The following SAMD5 variants were observed in gnomAD, a reference collection of about 807,000 sequenced individuals.
SAMD5 encodes sterile alpha motif domain containing 5.
Under a neutral mutation model 11.3 loss-of-function variants are expected in SAMD5, and 13 were observed. That is an observed-to-expected ratio of 1.15 (90% CI 0.75 to 1.83). SAMD5 has a LOEUF of 1.83. Among genes scored for constraint, SAMD5 ranks in the 40% most tolerant of loss-of-function variants. SAMD5 has a pLI of 0.00. For missense variants in SAMD5, 255 were observed against 239.1 expected (o/e 1.07, Z -0.44); for synonymous variants, 129 against 111.3 (o/e 1.16, Z -1.00).
intron 1 of SAMD5, among the ~76,000 whole-genome samples, chr6:147,520,117 G>GT (rs10632543): frequency 0.11 from 14,821 of 136,724 alleles, 1,012 homozygotes; most frequent in African/African-American, 0.19. Context: ...GAACTTTATA[G>GT]TTTTTTTTTT....
At chr6:147,545,873 T>C (rs987378972) in intron 1 of SAMD5, among the ~76,000 whole-genome samples, 2 of 152,210 alleles carry the variant, frequency 1.3e-5, no homozygotes, top group African/African-American at 4.8e-5. Flanking sequence ...CTTGTAACAT[T>C]AATTAAATTT....
At chr6:147,707,887 T>A (rs79647011) in intron 1 of SAMD5, among the ~76,000 whole-genome samples, 2,125 of 152,164 alleles carry the variant, frequency 0.014, 55 homozygotes, top group African/African-American at 0.049. Context: ...AGATATGATA[T>A]GGGGTGGGGT....
chr6:147,870,305 C>A, the SAMD5 span, among the ~76,000 whole-genome samples: 10 of 152,076 alleles, frequency 6.6e-5, no homozygotes, highest in Admixed American at 2.6e-4. Flanking sequence ...TCCCACCTGT[C>A]AAGCATGAGC....
chr6:147,534,237 T>C (rs1464725947), intron 1 of SAMD5, among the ~76,000 whole-genome samples: 1 of 152,170 alleles, frequency 6.6e-6, no homozygotes, highest in Non-Finnish European at 1.5e-5. Flanking sequence ...TTCTGCTGGG[T>C]GAAGTGAGAG....
chr6:147,789,273 A>G, the SAMD5 span, among the ~76,000 whole-genome samples: 1 of 118,282 alleles, frequency 8.5e-6, no homozygotes, highest in Admixed American at 9.1e-5. Context: ...CCCAGTCTCT[A>G]GAAAAACACA....
Position 147,567,815 on chromosome 6 carries a change from T to G in SAMD5, c.*3359T>G, listed in dbSNP as rs1789067182. The G allele has an allele frequency of 2.0e-6, 2 of 985,150 alleles. No individual in the cohort carries two copies. Among genetic ancestry groups the G allele is most frequent in the Non-Finnish European group, 2.4e-6 (2 of 829,802 alleles). The allele number at this position is 985,150 out of a possible 1,614,324, so 61.0% of individuals were successfully genotyped here. A position where few individuals can be genotyped will look rare whatever the true frequency, so the allele number is the denominator to read the frequency against. Reference sequence around the variant, plus strand: ...TCAGGAAGGATAAAAAAGGCTACAGTACCTGCTCATAGGAGTTCAGTAAAT... The same window carrying G: ...TCAGGAAGGATAAAAAAGGCTACAGGACCTGCTCATAGGAGTTCAGTAAAT... On this transcript the variant is annotated 3_prime_UTR_variant, in exon 2 of 2. Coordinates refer to ENST00000367474, the MANE Select transcript of SAMD5 (RefSeq NM_001030060.3).
chr6:147,710,183 G>T (rs1437553861), intron 1 of SAMD5, among the ~76,000 whole-genome samples: 1 of 152,052 alleles, frequency 6.6e-6, no homozygotes, highest in Non-Finnish European at 1.5e-5. Context: ...GCCACCTACT[G>T]CTCTCCATCA....
At chr6:147,624,592 C>T (rs550845126) in intron 1 of SAMD5, among the ~76,000 whole-genome samples, 12 of 152,274 alleles carry the variant, frequency 7.9e-5, no homozygotes, top group Admixed American at 4.6e-4. Flanking sequence ...GAGTAGTATT[C>T]CATCATATGT....
Position 147,728,851 on chromosome 6 carries a change from ACT to A in SAMD5, c.163-8463_163-8462del, listed in dbSNP as rs377519276. On this transcript the variant is annotated intron_variant, in intron 1 of 1. Coordinates refer to the SAMD5 transcript ENST00000566741. The stretch of plus-strand genomic sequence containing the variant: ...TTACAAAGTATTAGCTTTATAATAA[ACT>A]CTTTATGCAGTTCTGTGTGGCTTCT... 1.1e-3 allele frequency among the ~76,000 whole-genome samples: 162 copies of A among 151,904 alleles called. 3 individuals carry two copies. The highest frequency in any genetic ancestry group is 3.7e-3 in the African/African-American group (151 of 41,340).
the SAMD5 span, among the ~76,000 whole-genome samples, chr6:147,811,128 AG>A: frequency 6.6e-6 from 1 of 152,244 alleles, no homozygotes; most frequent in Non-Finnish European, 1.5e-5. Context: ...TTCGGCATAT[AG>A]TAAGTACTTA....
the SAMD5 span, among the ~76,000 whole-genome samples, chr6:147,833,861 C>G: frequency 2.0e-5 from 3 of 152,138 alleles, no homozygotes; most frequent in Non-Finnish European, 2.9e-5. Flanking sequence ...GTTTTTGTGA[C>G]CTTTCCAGTC....
At chr6:147,634,838 A>T (rs1383178381) in intron 1 of SAMD5, among the ~76,000 whole-genome samples, 3 of 152,186 alleles carry the variant, frequency 2.0e-5, no homozygotes, top group Non-Finnish European at 4.4e-5. Context: ...TTTAGGGAAG[A>T]GAGGAATGGG....
chr6:147,834,208 A>C, the SAMD5 span, among the ~76,000 whole-genome samples: 1 of 152,326 alleles, frequency 6.6e-6, no homozygotes, highest in East Asian at 1.9e-4. Flanking sequence ...GAGATGAATA[A>C]ATAGGGGTTT....
rs1372251227 is a variant in SAMD5 at position 147,508,984 on chromosome 6, C to G, written c.56C>G (p.Ala19Gly). The change falls in exon 1 of 2, where the codon GCG becomes GGG. Residue 19 changes from alanine (A) to glycine (G), a missense_variant. Transcript: ENST00000367474. ...AAAGCGCTGCAGCTTCCGCAGTACG[C>G]GGAGTCCTTCGTGGATAACGGCTAC... ...WLKALQLPQYAESFVDNGYDD... is the reference protein window; with the variant it reads ...WLKALQLPQYGESFVDNGYDD... The G allele has an allele frequency of 6.2e-7, 1 of 1,601,494 alleles. No individual in the cohort carries two copies. Among genetic ancestry groups the G allele is most frequent in the African/African-American group, 1.3e-5 (1 of 74,140 alleles).
the SAMD5 span, among the ~76,000 whole-genome samples, chr6:147,865,896 G>T: frequency 6.6e-6 from 1 of 152,086 alleles, no homozygotes; most frequent in African/African-American, 2.4e-5. Flanking sequence ...TATTTAGGAA[G>T]AAAATATATT....
At chr6:147,763,376 C>G in the SAMD5 span, among the ~76,000 whole-genome samples, 1 of 151,726 alleles carries the variant, frequency 6.6e-6, no homozygotes, top group Non-Finnish European at 1.5e-5. Context: ...GTTGGCCGGG[C>G]TGGTCTTGAA....
intron 1 of SAMD5, among the ~76,000 whole-genome samples, chr6:147,532,088 C>T (rs1477427168): frequency 6.6e-6 from 1 of 152,076 alleles, no homozygotes; most frequent in East Asian, 1.9e-4. Context: ...CTATTACTAT[C>T]CCCTAGAACA....
chr6:147,798,278 C>T, the SAMD5 span, among the ~76,000 whole-genome samples: 1 of 150,160 alleles, frequency 6.7e-6, no homozygotes, highest in Non-Finnish European at 1.5e-5. Context: ...TCTTTGTTCT[C>T]ATTTGTTTCA....
At chr6:147,909,981 G>A in the SAMD5 span, among the ~76,000 whole-genome samples, 1 of 152,072 alleles carries the variant, frequency 6.6e-6, no homozygotes, top group Admixed American at 6.5e-5. Flanking sequence ...AACTCATTTA[G>A]TGCTCCAGTG....
Sources: gnomAD v4.1 joint callset for allele counts (sites outside exome capture counted in the v4.1 genomes callset) on GRCh38, gnomAD v4.1.1 for gene constraint, MANE v1.5 for transcripts, NCBI Gene and HGNC (gene_info 2026-07-23, HGNC 2026-07-21) for gene names.